Variants in CACNA2D1 observed in about 807,000 individuals in gnomAD.
CACNA2D1 encodes the protein voltage-dependent calcium channel subunit alpha-2/delta-1.
In CACNA2D1, 53 loss-of-function variants were observed where a neutral mutation model predicts 171.5. The ratio of observed to expected loss-of-function variants is 0.31; its 90% CI spans 0.25 to 0.39. The LOEUF is 0.39. Ranked by LOEUF, CACNA2D1 falls within the 10% of genes least tolerant of loss-of-function variation. CACNA2D1 has a pLI of 1.00. For synonymous variants in CACNA2D1, 442 were observed against 443.1 expected, an observed-to-expected ratio of 1.00 and a Z score of 0.03; for missense variants, 903 against 1,299.8, an observed-to-expected ratio of 0.69 and a Z score of 4.69.
chr7:82,192,254 T>C (rs1798371330), intron 3 of CACNA2D1, among the ~76,000 whole-genome samples: 1 of 151,648 alleles, frequency 6.6e-6, no homozygotes, highest in Admixed American at 6.6e-5. Flanking sequence ...GGATATGACA[T>C]AAAATCACTT....
chr7:82,127,160 C>T (rs1192991216), intron 5 of CACNA2D1, among the ~76,000 whole-genome samples: 2 of 152,250 alleles, frequency 1.3e-5, no homozygotes, highest in African/African-American at 4.8e-5. Context: ...TAACTCTCCT[C>T]TTAGTCCTGA....
chr7:81,976,586 G>A (rs1286163198), intron 24 of CACNA2D1, among the ~76,000 whole-genome samples: 1 of 152,210 alleles, frequency 6.6e-6, no homozygotes, highest in South Asian at 2.1e-4. Context: ...TGGGCACAGT[G>A]GCTCGCGCCC....
intron 32 of CACNA2D1, 43 bp downstream of exon 32, chr7:81,965,551 C>A (rs760781183): frequency 9.9e-7 from 1 of 1,007,166 alleles, no homozygotes. Context: ...ATCCGGGAAA[C>A]ACACTTTGGA....
In CACNA2D1 at chr7:82,280,582, C is replaced by T. The variant is rs76097590; in HGVS notation, c.294+54553G>A. On this transcript the variant is annotated intron_variant, in intron 3 of 38. Transcript: ENST00000356860. Reference sequence around the variant, plus strand: ...AATTTACATTTTTTAAATTTAGAAACCAATTTAGGATCACAGATTCTAGAA... The same window carrying T: ...AATTTACATTTTTTAAATTTAGAAATCAATTTAGGATCACAGATTCTAGAA... Among the ~76,000 whole-genome samples, 838 of 152,250 alleles carry T rather than the reference C, an allele frequency of 5.5e-3. 20 individuals are homozygous for T. In the East Asian group the frequency reaches 0.09, roughly 16 times the overall value.
intron 6 of CACNA2D1, among the ~76,000 whole-genome samples, chr7:82,111,392 AT>A (rs1284443991): frequency 7.7e-6 from 1 of 129,058 alleles, no homozygotes; most frequent in East Asian, 2.3e-4. Context: ...ATGTGTATAT[AT>A]GTATATATAT....
intron 10 of CACNA2D1, among the ~76,000 whole-genome samples, chr7:82,045,622 A>AT (rs1429159070): frequency 2.0e-5 from 3 of 152,156 alleles, no homozygotes; most frequent in Non-Finnish European, 1.5e-5. Context: ...ACAAATTAAG[A>AT]TTTTGAATAC....
At chr7:82,152,778 T>A (rs1355026967) in intron 4 of CACNA2D1, among the ~76,000 whole-genome samples, 1 of 152,008 alleles carries the variant, frequency 6.6e-6, no homozygotes, top group Non-Finnish European at 1.5e-5. Flanking sequence ...GGTGTATTTC[T>A]GTTTTTCAAA....
chr7:81,992,756 A>AT (rs1797681084), intron 20 of CACNA2D1, among the ~76,000 whole-genome samples: 1 of 152,182 alleles, frequency 6.6e-6, no homozygotes, highest in African/African-American at 2.4e-5. Flanking sequence ...CAAGAAATCT[A>AT]TTTTTCAACT....
chr7:81,984,265 A>G (rs955616466), intron 22 of CACNA2D1, among the ~76,000 whole-genome samples: 13 of 152,222 alleles, frequency 8.5e-5, no homozygotes, highest in African/African-American at 2.9e-4. Context: ...GAAAAGCTTT[A>G]CTAGCACAGT....
chr7:82,356,606 G>C (rs1820447128), intron 1 of CACNA2D1, among the ~76,000 whole-genome samples: 1 of 151,882 alleles, frequency 6.6e-6, no homozygotes, highest in Non-Finnish European at 1.5e-5. Flanking sequence ...AGACACATAA[G>C]TATTTATTGA....
intron 3 of CACNA2D1, among the ~76,000 whole-genome samples, chr7:82,300,257 A>G (rs1197290563): frequency 6.6e-6 from 1 of 152,150 alleles, no homozygotes; most frequent in Non-Finnish European, 1.5e-5. Context: ...ATAAAGATAA[A>G]GAAGGCCTGT....
intron 3 of CACNA2D1, among the ~76,000 whole-genome samples, chr7:82,185,792 T>A (rs1487382026): frequency 6.6e-6 from 1 of 152,010 alleles, no homozygotes; most frequent in East Asian, 1.9e-4. Context: ...TTATCCAGGG[T>A]ATCTCCATGC....
intron 5 of CACNA2D1, among the ~76,000 whole-genome samples, chr7:82,130,800 T>G (rs1393059987): frequency 1.0e-5 from 1 of 95,978 alleles, no homozygotes; most frequent in Non-Finnish European, 2.4e-5. Context: ...TCTTTTTTTT[T>G]TTTTTTTTTT....
At chr7:82,316,487 G>A (rs377514824) in intron 3 of CACNA2D1, among the ~76,000 whole-genome samples, 137 of 151,934 alleles carry the variant, frequency 9.0e-4, no homozygotes, top group African/African-American at 3.1e-3. Context: ...AGAACAATCC[G>A]GTTCCTTAAA....
At chr7:82,327,743 G>C (rs2129442914) in intron 3 of CACNA2D1, among the ~76,000 whole-genome samples, 1 of 152,280 alleles carries the variant, frequency 6.6e-6, no homozygotes, top group African/African-American at 2.4e-5. Flanking sequence ...GGCACTAAGA[G>C]AAAGTTGGCA....
At chr7:81,971,672 ATTAT>A in intron 26 of CACNA2D1, 101 bp downstream of exon 26, 1 of 716,666 alleles carries the variant, frequency 1.4e-6, no homozygotes, top group Non-Finnish European at 2.5e-6. Flanking sequence ...AATATTAAAC[ATTAT>A]TAATGAACTG....
intron 29 of CACNA2D1, among the ~76,000 whole-genome samples, 190 bp from the exon 30 acceptor site, chr7:81,967,853 G>A (rs943932875): frequency 2.0e-5 from 3 of 151,460 alleles, no homozygotes; most frequent in Admixed American, 6.6e-5. Flanking sequence ...ACAAAAGAGT[G>A]TATTCATTAG....
chr7:82,327,451 G>A (rs1816792404), intron 3 of CACNA2D1, among the ~76,000 whole-genome samples: 1 of 152,146 alleles, frequency 6.6e-6, no homozygotes, highest in Non-Finnish European at 1.5e-5. Flanking sequence ...ACAACATTAT[G>A]CCTTTCAGGT....
chr7:82,199,066 T>C (rs1380873972), intron 3 of CACNA2D1, among the ~76,000 whole-genome samples: 1 of 152,018 alleles, frequency 6.6e-6, no homozygotes, highest in East Asian at 1.9e-4. Context: ...TTCTAGTTTA[T>C]AGCTGTAATA....
Sources: allele counts gnomAD v4.1 joint callset (sites outside exome capture counted in the v4.1 genomes callset), GRCh38; gene constraint gnomAD v4.1.1; transcripts MANE v1.5; gene names NCBI Gene and HGNC (gene_info 2026-07-23, HGNC 2026-07-21).